The following TRHR variants were observed in gnomAD, a reference collection of about 807,000 sequenced individuals.
The protein encoded by TRHR is thyrotropin releasing hormone receptor, also known as thyrotropin-releasing hormone receptor.
Under a neutral mutation model 28.0 loss-of-function variants are expected in TRHR, and 14 were observed. The observed-to-expected ratio is 0.50, with a 90% CI of 0.33 to 0.78. The LOEUF (loss-of-function observed/expected upper bound fraction) is 0.78, where lower values mean the gene tolerates loss of function less well. Among genes scored for constraint, TRHR ranks in the 30% least tolerant of loss-of-function variants. The probability of loss-of-function intolerance (pLI) is 0.02; values close to 1 mark genes in which losing one functional copy is unlikely to be tolerated. For missense variants in TRHR, 438 were observed against 469.5 expected, an observed-to-expected ratio of 0.93 and a Z score of 0.62; for synonymous variants, 176 against 171.9, an observed-to-expected ratio of 1.02 and a Z score of -0.18.
chr8:109,115,757 G>A (rs1280819051), intron 2 of TRHR, among the ~76,000 whole-genome samples: 1 of 150,936 alleles, frequency 6.6e-6, no homozygotes, highest in Non-Finnish European at 1.5e-5. Flanking sequence ...TGCAAACAGG[G>A]ACAATTTGAC....
chr8:109,118,771 C>A (rs1811957138), intron 2 of TRHR, among the ~76,000 whole-genome samples: 1 of 151,828 alleles, frequency 6.6e-6, no homozygotes, highest in Non-Finnish European at 1.5e-5. Context: ...ACAGATAATT[C>A]TCAATTGCAT....
chr8:109,115,569 G>C (rs1485368139), intron 2 of TRHR, among the ~76,000 whole-genome samples: 2 of 152,144 alleles, frequency 1.3e-5, no homozygotes, highest in African/African-American at 4.8e-5. Flanking sequence ...TCTCTTTGAA[G>C]AAATTGTGAA....
Position 109,087,558 on chromosome 8 carries a change from C to T in TRHR, c.46C>T (p.Pro16Ser). Residue 16 changes from proline (P) to serine (S), a missense_variant, in exon 2 of 3, where the codon CCA becomes TCA. Coordinates refer to ENST00000518632, the MANE Select transcript of TRHR (RefSeq NM_003301.7). ...TGAACTGAACCAAACACAGCTTCAG[C>T]CACGAGCAGTGGTGGCCTTAGAATA... ...VSELNQTQLQ[P>S]RAVVALEYQV... 4 of 1,614,230 alleles carry T rather than the reference C, an allele frequency of 2.5e-6. No homozygotes were observed. The highest frequency in any genetic ancestry group is 3.4e-6 in the Non-Finnish European group (4 of 1,180,040).
intron 2 of TRHR, among the ~76,000 whole-genome samples, chr8:109,100,162 A>T (rs937011866): frequency 2.0e-5 from 3 of 152,338 alleles, no homozygotes; most frequent in Admixed American, 6.5e-5. Flanking sequence ...TTGAAAGATT[A>T]TGCACACATA....
intron 2 of TRHR, among the ~76,000 whole-genome samples, chr8:109,118,292 G>A (rs999018633): frequency 6.6e-6 from 1 of 151,942 alleles, no homozygotes; most frequent in Non-Finnish European, 1.5e-5. Flanking sequence ...ACCTTGGATA[G>A]TGTCTGGCAC....
At chr8:109,098,652 C>G (rs1811631151) in intron 2 of TRHR, among the ~76,000 whole-genome samples, 1 of 152,134 alleles carries the variant, frequency 6.6e-6, no homozygotes, top group African/African-American at 2.4e-5. Context: ...GCCCTCTGTC[C>G]CCCAACACAC....
At chr8:109,112,575 C>A (rs902133196) in intron 2 of TRHR, among the ~76,000 whole-genome samples, 1 of 152,132 alleles carries the variant, frequency 6.6e-6, no homozygotes, top group Non-Finnish European at 1.5e-5. Flanking sequence ...GTTACGAAAT[C>A]TTCTTCCTAA....
chr8:109,090,692 A>AT (rs1811505058), intron 2 of TRHR, among the ~76,000 whole-genome samples: 1 of 152,188 alleles, frequency 6.6e-6, no homozygotes, highest in African/African-American at 2.4e-5. Context: ...AAGAGGTGGC[A>AT]TTTGAGATGG....
intron 2 of TRHR, among the ~76,000 whole-genome samples, chr8:109,102,731 A>G (rs1052278627): frequency 6.6e-6 from 1 of 152,080 alleles, no homozygotes; most frequent in African/African-American, 2.4e-5. Context: ...AGAAGTAGGG[A>G]TGGGTAGACT....
intron 2 of TRHR, among the ~76,000 whole-genome samples, chr8:109,090,887 T>C (rs1405462588): frequency 6.6e-6 from 1 of 152,050 alleles, no homozygotes; most frequent in African/African-American, 2.4e-5. Flanking sequence ...GATGTATTTG[T>C]GGGAGTGGTA....
In TRHR at chr8:109,086,734, G is replaced by C. The variant is rs1409205728; in HGVS notation, c.-238G>C. The C allele has an allele frequency of 6.6e-6, 1 of 152,422 alleles. No homozygotes were observed. Among genetic ancestry groups the C allele is most frequent in the Admixed American group, 6.5e-5 (1 of 15,268 alleles). The allele number at this position is 152,422 out of a possible 1,614,324, so 9.4% of individuals were successfully genotyped here. Reference sequence around the variant, plus strand: ...TGTCATTAGTTGGAAAGGGCTGTGAGGGTTTGGAGAAACTGCAGTTTTAAA... The same window carrying C: ...TGTCATTAGTTGGAAAGGGCTGTGACGGTTTGGAGAAACTGCAGTTTTAAA... On this transcript the variant is annotated 5_prime_UTR_variant, in exon 1 of 3. Transcript: ENST00000518632.
intron 2 of TRHR, among the ~76,000 whole-genome samples, chr8:109,088,581 AAT>A (rs1179345582): frequency 6.6e-6 from 1 of 152,200 alleles, no homozygotes; most frequent in African/African-American, 2.4e-5. Context: ...ATTCACCTTT[AAT>A]ATGTTTATGC....
At chr8:109,092,512 C>T (rs1176685449) in intron 2 of TRHR, among the ~76,000 whole-genome samples, 1 of 152,014 alleles carries the variant, frequency 6.6e-6, no homozygotes, top group Non-Finnish European at 1.5e-5. Flanking sequence ...TCTCAGCTCA[C>T]TGCAACCTCT....
chr8:109,087,393 T>C, intron 1 of TRHR, 32 bp from the exon 2 acceptor site: 1 of 1,062,038 alleles, frequency 9.4e-7, no homozygotes, highest in Non-Finnish European at 1.4e-6. Flanking sequence ...ATTGTAACAC[T>C]GTTAATGAAT....
At chr8:109,091,841 A>G (rs1304673574) in intron 2 of TRHR, among the ~76,000 whole-genome samples, 1 of 152,170 alleles carries the variant, frequency 6.6e-6, no homozygotes, top group Non-Finnish European at 1.5e-5. Context: ...GACTAAATAC[A>G]TTGCTTTTAT....
chr8:109,096,708 CT>C (rs1158508684), intron 2 of TRHR, among the ~76,000 whole-genome samples: 1 of 152,082 alleles, frequency 6.6e-6, no homozygotes, highest in African/African-American at 2.4e-5. Flanking sequence ...AGGGCCCCCT[CT>C]TTTTTTGTGG....
At chr8:109,095,389 A>G (rs1386832283) in intron 2 of TRHR, among the ~76,000 whole-genome samples, 1 of 152,170 alleles carries the variant, frequency 6.6e-6, no homozygotes, top group Non-Finnish European at 1.5e-5. Flanking sequence ...AGTCAGAGAA[A>G]AAAGAAGGAA....
intron 2 of TRHR, among the ~76,000 whole-genome samples, chr8:109,113,571 G>A (rs1811872138): frequency 6.6e-6 from 1 of 151,998 alleles, no homozygotes; most frequent in Non-Finnish European, 1.5e-5. Flanking sequence ...TAAAATGTAA[G>A]GAAATCTGAA....
Position 109,120,590 on chromosome 8 carries a change from T to G in TRHR, c.*1135T>G, listed in dbSNP as rs1401964636. On this transcript the variant is annotated 3_prime_UTR_variant, in exon 3 of 3. Transcript: ENST00000518632. ...TTTTGTTTTTCTCAAATGCTAGTGATATTTTGTTTACAGATTCTAAAAGCA... is the reference window on the plus strand; with the variant it reads ...TTTTGTTTTTCTCAAATGCTAGTGAGATTTTGTTTACAGATTCTAAAAGCA... Among the ~76,000 whole-genome samples, 1 of 151,850 alleles carries G rather than the reference T, an allele frequency of 6.6e-6. No individual in the cohort carries two copies. The highest frequency in any genetic ancestry group is 2.4e-5 in the African/African-American group (1 of 41,410).
Sources: gnomAD v4.1 joint callset for allele counts (sites outside exome capture counted in the v4.1 genomes callset) on GRCh38, gnomAD v4.1.1 for gene constraint, MANE v1.5 for transcripts, NCBI Gene and HGNC (gene_info 2026-07-23, HGNC 2026-07-21) for gene names.